Variants in PIP5K1B observed in about 807,000 individuals in gnomAD.
PIP5K1B encodes the protein phosphatidylinositol-4-phosphate 5-kinase type 1 beta.
Under a neutral mutation model 67.0 loss-of-function variants are expected in PIP5K1B, and 42 were observed. The observed-to-expected ratio is 0.63, with a 90% confidence interval of 0.49 to 0.81. PIP5K1B has a LOEUF of 0.81. Ranked by LOEUF, PIP5K1B falls within the 30% of genes least tolerant of loss-of-function variation. PIP5K1B has a pLI of 0.00. For missense variants in PIP5K1B, 459 were observed against 646.3 expected, an observed-to-expected ratio of 0.71 and a Z score of 3.14; for synonymous variants, 214 against 231.4, an observed-to-expected ratio of 0.92 and a Z score of 0.68.
intron 1 of PIP5K1B, among the ~76,000 whole-genome samples, chr9:68,722,246 C>T (rs1033526666): frequency 1.3e-5 from 2 of 152,176 alleles, no homozygotes; most frequent in African/African-American, 4.8e-5. Flanking sequence ...CCCTCTGTCA[C>T]CCAGGCTGGA....
At chr9:68,751,084 G>T (rs181341495) in intron 2 of PIP5K1B, among the ~76,000 whole-genome samples, 1 of 152,120 alleles carries the variant, frequency 6.6e-6, no homozygotes, top group Non-Finnish European at 1.5e-5. Flanking sequence ...TTGGCAATGC[G>T]GTCTCAGGGA....
intron 8 of PIP5K1B, among the ~76,000 whole-genome samples, chr9:68,900,133 C>T (rs901372659): frequency 6.6e-6 from 1 of 152,168 alleles, no homozygotes; most frequent in African/African-American, 2.4e-5. Flanking sequence ...TTCTGTGTTG[C>T]GTATGTACCA....
chr9:68,770,912 A>G (rs920888467), intron 2 of PIP5K1B, among the ~76,000 whole-genome samples: 1 of 152,224 alleles, frequency 6.6e-6, no homozygotes, highest in African/African-American at 2.4e-5. Flanking sequence ...GTATGTAAGT[A>G]ACTATATATG....
At chr9:68,910,556 C>T (rs1238676774) in intron 8 of PIP5K1B, among the ~76,000 whole-genome samples, 34 of 152,188 alleles carry the variant, frequency 2.2e-4, no homozygotes, top group Non-Finnish European at 1.5e-4. Context: ...TTCATTCCTA[C>T]TGTGTTCAGA....
At chr9:68,888,064 C>T (rs937388489) in intron 6 of PIP5K1B, among the ~76,000 whole-genome samples, 13 of 151,534 alleles carry the variant, frequency 8.6e-5, no homozygotes, top group Non-Finnish European at 1.8e-4. Flanking sequence ...CTGCAACCTC[C>T]ACCTCCCAGG....
At chr9:68,928,136 C>T (rs1170450702) in intron 12 of PIP5K1B, among the ~76,000 whole-genome samples, 1 of 152,022 alleles carries the variant, frequency 6.6e-6, no homozygotes, top group East Asian at 1.9e-4. Flanking sequence ...CTTCTTGACT[C>T]TCACATCTGT....
At position 68,894,632 on chromosome 9, in the gene PIP5K1B, C is replaced by T; in HGVS notation, c.765C>T (p.Asp255=). The T allele has an allele frequency of 6.2e-7, 1 of 1,613,368 alleles. No homozygotes were observed. The highest frequency in any genetic ancestry group is 1.1e-5 in the South Asian group (1 of 91,032). ...CGCTTATGAAAACACTTCAGAGAGA[C>T]TGCCGGGTAAGGAAGTTTGATTGTT... ...YNALMKTLQR[D]CRVLESFKIM... is the part of the protein sequence containing the mutation. The change falls in exon 8 of 16, where the codon GAC becomes GAT. Residue 255 remains aspartate (D), a synonymous_variant. Transcript: ENST00000265382.
At position 68,845,017 on chromosome 9, in the gene PIP5K1B, A is replaced by C. The variant is rs1341237600; in HGVS notation, c.70-18820A>C. 2.0e-5 allele frequency among the ~76,000 whole-genome samples: 3 copies of C among 152,244 alleles called. No homozygotes were observed. In the East Asian group the frequency reaches 5.8e-4, roughly 29 times the overall value. On this transcript the variant is annotated intron_variant, in intron 4 of 15. Transcript: ENST00000265382. Reference sequence around the variant, plus strand: ...AAATCATACAAAACAAGTGGCTTCCAGTGACCACCTATACTGAAAAATAAA... The same window carrying C: ...AAATCATACAAAACAAGTGGCTTCCCGTGACCACCTATACTGAAAAATAAA...
chr9:68,949,228 A>C (rs1331078874), intron 14 of PIP5K1B, among the ~76,000 whole-genome samples: 1 of 152,170 alleles, frequency 6.6e-6, no homozygotes, highest in African/African-American at 2.4e-5. Flanking sequence ...TAGTGGATGT[A>C]CCTTTGTAGA....
chr9:68,874,387 C>G (rs908950052), intron 5 of PIP5K1B, among the ~76,000 whole-genome samples: 2 of 152,176 alleles, frequency 1.3e-5, no homozygotes, highest in Non-Finnish European at 2.9e-5. Flanking sequence ...CTACCTGAAG[C>G]TGCTCTGCTG....
intron 12 of PIP5K1B, among the ~76,000 whole-genome samples, chr9:68,931,621 G>T (rs1827001423): frequency 6.6e-6 from 1 of 152,166 alleles, no homozygotes; most frequent in African/African-American, 2.4e-5. Context: ...GTAACCCAGA[G>T]TTCATTAAGA....
intron 4 of PIP5K1B, chr9:68,824,078 A>G (rs557672253): frequency 1.2e-5 from 6 of 519,010 alleles, no homozygotes; most frequent in African/African-American, 7.7e-5. Flanking sequence ...GCAACAATAC[A>G]CTATTATTTA....
intron 1 of PIP5K1B, among the ~76,000 whole-genome samples, chr9:68,709,220 A>C (rs1163918809): frequency 6.6e-6 from 1 of 152,202 alleles, no homozygotes; most frequent in Non-Finnish European, 1.5e-5. Context: ...TGCCATTAAA[A>C]ATAACATGTT....
chr9:68,943,004 G>A (rs773848536), intron 14 of PIP5K1B, among the ~76,000 whole-genome samples: 6 of 152,174 alleles, frequency 3.9e-5, no homozygotes, highest in Admixed American at 3.9e-4. Context: ...CAGCACTGTA[G>A]CAGGACCCAC....
At chr9:68,870,855 A>C (rs1011472088) in intron 5 of PIP5K1B, among the ~76,000 whole-genome samples, 1 of 152,244 alleles carries the variant, frequency 6.6e-6, no homozygotes, top group Non-Finnish European at 1.5e-5. Flanking sequence ...TAGTTTTGTC[A>C]AAAGTCCTCA....
At chr9:68,780,455 C>T (rs151050767) in intron 2 of PIP5K1B, 14 of 1,614,120 alleles carry the variant, frequency 8.7e-6, no homozygotes, top group Non-Finnish European at 1.2e-5. Context: ...TGGACTTGAT[C>T]AACCGAGAGA....
At chr9:68,718,462 C>T (rs1275588124) in intron 1 of PIP5K1B, among the ~76,000 whole-genome samples, 1 of 152,084 alleles carries the variant, frequency 6.6e-6, no homozygotes, top group East Asian at 1.9e-4. Flanking sequence ...TTTTTTCTTC[C>T]TGAAATTCCT....
intron 14 of PIP5K1B, among the ~76,000 whole-genome samples, chr9:68,970,592 T>C (rs1054457334): frequency 3.9e-5 from 6 of 152,268 alleles, no homozygotes; most frequent in Non-Finnish European, 7.3e-5. Context: ...CTATATATCG[T>C]ATTCCATACA....
chr9:68,831,853 T>A (rs1025933646), intron 4 of PIP5K1B, among the ~76,000 whole-genome samples: 1 of 152,080 alleles, frequency 6.6e-6, no homozygotes, highest in Non-Finnish European at 1.5e-5. Context: ...TTTTTTTTAT[T>A]TTTAGTAGAG....
Sources: gnomAD v4.1 joint callset for allele counts (sites outside exome capture counted in the v4.1 genomes callset) on GRCh38, gnomAD v4.1.1 for gene constraint, MANE v1.5 for transcripts, NCBI Gene and HGNC (gene_info 2026-07-23, HGNC 2026-07-21) for gene names.